Variants in AANAT observed in about 807,000 individuals in gnomAD.
The protein encoded by AANAT is aralkylamine N-acetyltransferase.
In AANAT, 11 loss-of-function variants were observed where a neutral mutation model predicts 15.6. The ratio of observed to expected loss-of-function variants is 0.71; its 90% confidence interval spans 0.44 to 1.17. The LOEUF (loss-of-function observed/expected upper bound fraction) is 1.17. AANAT is among the 50% of genes most tolerant of loss of function. The probability of loss-of-function intolerance (pLI) is 0.00; values close to 1 mark genes in which losing one functional copy is unlikely to be tolerated. For missense variants in AANAT, 286 were observed against 296.3 expected (o/e 0.97, Z 0.26); for synonymous variants, 139 against 131.5 (o/e 1.06, Z -0.39).
Position 76,469,049 on chromosome 17 carries a change from ACAG to A in AANAT, c.164-119_164-117del. The A allele has an allele frequency of 6.6e-7, 1 of 1,507,018 alleles. No homozygotes were observed. Among genetic ancestry groups the A allele is most frequent in the Non-Finnish European group, 9.0e-7 (1 of 1,106,264 alleles). The allele number at this position is 1,507,018 out of a possible 1,614,324, so 93.4% of individuals were successfully genotyped here. A position where few individuals can be genotyped will look rare whatever the true frequency, so the allele number is the denominator to read the frequency against. ...GTGTGCGCTCAAGAAAGTGGGGGAA[ACAG>A]CAGCCCTAACCCCCATTTTCCTGTG... is the stretch of plus-strand genomic sequence containing the variant. On this transcript the variant is annotated intron_variant, in intron 2 of 3. Transcript: ENST00000392492. This position sits in a 1 kb window ranked among gnomAD's most constrained non-coding sequence, Gnocchi z 5.2.
At position 76,469,510 on chromosome 17, in the gene AANAT, G is replaced by A. The variant is rs2073490179; in HGVS notation, c.319-155G>A. 6.6e-6 allele frequency among the ~76,000 whole-genome samples: 1 copy of A among 152,224 alleles called. No homozygotes were observed. ...TCTTCAAGTTTTCTCCATGGGGTTG[G>A]GGGTATGGCTCCCAATTTGGGGCCC... is the stretch of plus-strand genomic sequence containing the variant. On this transcript the variant is annotated intron_variant, in intron 3 of 3. Transcript: ENST00000392492. This position sits in a 1 kb window ranked among gnomAD's most constrained non-coding sequence, Gnocchi z 5.2.
At chr17:76,462,535 C>A (rs2073398583) in intron 3 of AANAT, 1 of 152,326 alleles carries the variant, frequency 6.6e-6, no homozygotes, top group African/African-American at 2.4e-5. Context: ...GCGCCAAGGC[C>A]TCGGTTACAG....
At chr17:76,463,786 A>G (rs2073411563), upstream of AANAT, among the ~76,000 whole-genome samples, 1 of 152,138 alleles carries the variant, frequency 6.6e-6, no homozygotes, top group Non-Finnish European at 1.5e-5. Context: ...TTTCCCTGCT[A>G]ACAGTGGACA....
chr17:76,468,899 C>T lies in AANAT; in HGVS notation c.153C>T (p.Ile51=), dbSNP rs373575518. 53 of 1,613,156 alleles carry T rather than the reference C, an allele frequency of 3.3e-5. No homozygotes were observed. The highest frequency in any genetic ancestry group is 3.9e-5 in the Non-Finnish European group (46 of 1,179,916). ...TPEDAVSAFE[I]EREAFISVLG... ...AGGACGCTGTCAGCGCCTTTGAGAT[C>T]GAGCGTGAAGGTGAGTGGCCCCGCA... The change falls in exon 2 of 4, where the codon ATC becomes ATT. Residue 51 remains isoleucine, a synonymous_variant. Coordinates refer to ENST00000392492, the MANE Select transcript of AANAT (RefSeq NM_001088.3).
chr17:76,469,859 C>A lies in AANAT; in HGVS notation c.513C>A (p.Phe171Leu). ...CGCTGGTACCCTTCTATGAGAGGTT[C>A]AGCTTCCACGCCGTGGGCCCCTGCG... ...EDALVPFYER[F>L]SFHAVGPCAI... Residue 171 changes from phenylalanine to leucine, a missense_variant, in exon 4 of 4, where the codon TTC becomes TTA. Transcript: ENST00000392492. This position sits in a 1 kb window ranked among gnomAD's most constrained non-coding sequence, Gnocchi z 5.2. 6.2e-7 allele frequency: 1 copy of A among 1,602,136 alleles called. No individual in the cohort carries two copies. The highest frequency in any genetic ancestry group is 1.7e-5 in the Admixed American group (1 of 58,526).
rs143874240 is a variant in AANAT at position 76,469,827 on chromosome 17, G to A, written c.481G>A (p.Glu161Lys). 4.7e-5 allele frequency: 76 copies of A among 1,604,980 alleles called. No individual in the cohort carries two copies. In the African/African-American group the frequency reaches 7.6e-4, roughly 16 times the overall value. Residue 161 changes from glutamate to lysine, a missense_variant, in exon 4 of 4, where the codon GAG (glutamate) becomes AAG (lysine). Transcript: ENST00000392492. This position sits in a 1 kb window ranked among gnomAD's most constrained non-coding sequence, Gnocchi z 5.2. ...CGTGCGCCGGGCCGCGCTCATGTGC[G>A]AGGACGCGCTGGTACCCTTCTATGA... ...PAVRRAALMC[E>K]DALVPFYERF...
In AANAT at chr17:76,469,963, G is replaced by C; in HGVS notation, c.617G>C (p.Gly206Ala). 4.0e-6 allele frequency: 6 copies of C among 1,488,968 alleles called. No individual in the cohort carries two copies. Among genetic ancestry groups the C allele is most frequent in the Non-Finnish European group, 5.4e-6 (6 of 1,114,118 alleles). The allele number at this position is 1,488,968 out of a possible 1,614,324, so 92.2% of individuals were successfully genotyped here. The change falls in exon 4 of 4, where the codon GGC (glycine) becomes GCC (alanine). Residue 206 changes from glycine (G) to alanine (A), a missense_variant. Gly to Ala is a moderately conservative substitution (Grantham distance 60). Coordinates refer to ENST00000392492, the MANE Select transcript of AANAT (RefSeq NM_001088.3). The surrounding 1 kb of genome is among the most constrained non-coding windows in gnomAD (Gnocchi z 5.2). ...CACCCCTTCCTGCGCAGGAACAGCG[G>C]CTGCTGAACTGGGCTGCCCACCTGG... ...RGHPFLRRNS[G>A]C is the part of the protein sequence containing the mutation.
upstream of AANAT, among the ~76,000 whole-genome samples, chr17:76,465,344 A>ATTTTTTTTTTTT (rs5822138): frequency 7.2e-6 from 1 of 138,260 alleles, no homozygotes; most frequent in African/African-American, 2.7e-5. Context: ...TGAGGTCAGG[A>ATTTTTTTTTTTT]TTTTTTTTTT....
At chr17:76,465,779 C>T (rs1279589404), upstream of AANAT, 1 of 267,672 alleles carries the variant, frequency 3.7e-6, no homozygotes, top group African/African-American at 2.3e-5. Context: ...TCCCCTGTCT[C>T]CTCTCCTGTC....
At chr17:76,466,340 G>C, upstream of AANAT, 1 of 880,976 alleles carries the variant, frequency 1.1e-6, no homozygotes, top group East Asian at 2.9e-5. Context: ...CTAGCAGGCA[G>C]GTGGGCCTCA....
At chr17:76,464,638 T>C (rs2073419789), upstream of AANAT, among the ~76,000 whole-genome samples, 1 of 151,786 alleles carries the variant, frequency 6.6e-6, no homozygotes, top group Admixed American at 6.6e-5. Flanking sequence ...AGGGAGAGGC[T>C]GGGAACAAAG....
At chr17:76,466,414 C>T (rs372700047), upstream of AANAT, among the ~76,000 whole-genome samples, 11 of 133,174 alleles carry the variant, frequency 8.3e-5, no homozygotes, top group African/African-American at 2.5e-4. Context: ...GGTGGGTGGG[C>T]GGGGGCATCG....
Position 76,467,649 on chromosome 17 carries a change from T to C in AANAT, c.-154T>C, listed in dbSNP as rs1048033460. ...TGCAGCCCGGAGTCCCGGATTTTAC[T>C]GGTTCCCGTGCCTGCGGACAGGCCC... On this transcript the variant is annotated 5_prime_UTR_variant, in exon 1 of 4. Transcript: ENST00000392492. The C allele has an allele frequency of 3.0e-6, 3 of 985,452 alleles. No individual in the cohort carries two copies. Among genetic ancestry groups the C allele is most frequent in the Non-Finnish European group, 3.6e-6 (3 of 830,032 alleles). The allele number at this position is 985,452 out of a possible 1,614,324, so 61.0% of individuals were successfully genotyped here. A position where few individuals can be genotyped will look rare whatever the true frequency, so the allele number is the denominator to read the frequency against.
At position 76,470,077 on chromosome 17, in the gene AANAT, G is replaced by C. The variant is rs1052946385; in HGVS notation, c.*107G>C. 12 of 1,245,648 alleles carry C rather than the reference G, an allele frequency of 9.6e-6. No homozygotes were observed. The highest frequency in any genetic ancestry group is 1.3e-5 in the Non-Finnish European group (12 of 935,994). 77.2% of individuals were successfully genotyped at this position (1,245,648 alleles called of 1,614,324 possible). On this transcript the variant is annotated 3_prime_UTR_variant, in exon 4 of 4. Transcript: ENST00000392492. ...AGTTTCCAGAGAGTGGAGAGAGCAG[G>C]GCTAAATAAAGAGGAGATAAGGTGG... is the stretch of plus-strand genomic sequence containing the variant.
upstream of AANAT, chr17:76,465,962 G>A (rs949135655): frequency 7.1e-6 from 4 of 563,706 alleles, no homozygotes; most frequent in South Asian, 1.9e-5. Context: ...CCATCCTCCC[G>A]TCTCTGTCTC....
At chr17:76,454,439 C>T (rs566157257) in intron 1 of AANAT, among the ~76,000 whole-genome samples, 13 of 151,454 alleles carry the variant, frequency 8.6e-5, no homozygotes, top group African/African-American at 2.7e-4. Context: ...GAGCCCAGAT[C>T]GCGCCACTGC....
intron 1 of AANAT, among the ~76,000 whole-genome samples, chr17:76,457,265 C>T (rs936837267): frequency 6.6e-6 from 1 of 152,168 alleles, no homozygotes; most frequent in African/African-American, 2.4e-5. Flanking sequence ...TGGTCTCGAA[C>T]TCCTGACCTC....
upstream of AANAT, among the ~76,000 whole-genome samples, chr17:76,463,730 G>A (rs1482652036): frequency 6.6e-6 from 1 of 152,064 alleles, no homozygotes; most frequent in African/African-American, 2.4e-5. Context: ...TCTCCCCTGG[G>A]TTCTTCCCTT....
At position 76,469,531 on chromosome 17, in the gene AANAT, G is replaced by T; in HGVS notation, c.319-134G>T. 8.1e-7 allele frequency: 1 copy of T among 1,238,854 alleles called. No homozygotes were observed. The highest frequency in any genetic ancestry group is 1.1e-6 in the Non-Finnish European group (1 of 922,206). 76.7% of individuals were successfully genotyped at this position (1,238,854 alleles called of 1,614,324 possible). A position where few individuals can be genotyped will look rare whatever the true frequency, so the allele number is the denominator to read the frequency against. ...GTTGGGGGTATGGCTCCCAATTTGG[G>T]GCCCTCCTTTGCTGGGGTGGGTGCC... On this transcript the variant is annotated intron_variant, in intron 3 of 3. Coordinates refer to ENST00000392492, the MANE Select transcript of AANAT (RefSeq NM_001088.3). This position sits in a 1 kb window ranked among gnomAD's most constrained non-coding sequence, Gnocchi z 5.2.
Sources: gnomAD v4.1 joint callset for allele counts (sites outside exome capture counted in the v4.1 genomes callset) on GRCh38, gnomAD v4.1.1 for gene constraint, Gnocchi (gnomAD v3.1) non-coding constraint, MANE v1.5 for transcripts, NCBI Gene and HGNC (gene_info 2026-07-23, HGNC 2026-07-21) for gene names.